The following BPTF variants were observed in gnomAD, a reference collection of about 807,000 sequenced individuals.
BPTF encodes bromodomain PHD finger transcription factor.
A neutral mutation model predicts 292.5 loss-of-function variants in BPTF; 18 were observed. The observed-to-expected ratio is 0.06, with a 90% CI of 0.04 to 0.09. The LOEUF is 0.09. BPTF is among the 10% of genes least tolerant of loss of function. The probability of loss-of-function intolerance (pLI) is 1.00; values close to 1 mark genes in which losing one functional copy is unlikely to be tolerated. For missense variants in BPTF, 2,726 were observed against 3,498.7 expected (o/e 0.78, Z 5.57); for synonymous variants, 1,225 against 1,251.9 (o/e 0.98, Z 0.45).
At chr17:67,913,889 G>C (rs79583830) in intron 11 of BPTF, among the ~76,000 whole-genome samples, 2,523 of 152,230 alleles carry the variant, frequency 0.017, 64 homozygotes, top group African/African-American at 0.053. Context: ...ATTTGCCTGT[G>C]GCTACAGAGA....
chr17:67,845,039 A>G (rs1427086412), intron 1 of BPTF, among the ~76,000 whole-genome samples: 1 of 152,130 alleles, frequency 6.6e-6, no homozygotes, highest in Non-Finnish European at 1.5e-5. Flanking sequence ...CACTGCGCCC[A>G]GCCTGATTGT....
At chr17:67,862,266 G>A (rs1396147218) in intron 2 of BPTF, among the ~76,000 whole-genome samples, 1 of 152,300 alleles carries the variant, frequency 6.6e-6, no homozygotes, top group East Asian at 1.9e-4. Context: ...GTGAGCCATC[G>A]TGCCCGGCCT....
intron 13 of BPTF, among the ~76,000 whole-genome samples, chr17:67,920,722 C>A (rs61516059): frequency 0.023 from 3,472 of 151,910 alleles, 139 homozygotes; most frequent in African/African-American, 0.08. Context: ...TTGCAGTAAG[C>A]TAAGAGAGTA....
Position 67,975,879 on chromosome 17 carries a change from A to G in BPTF, c.8647A>G (p.Ser2883Gly), listed in dbSNP as rs782663433. Residue 2883 changes from serine (S) to glycine (G), a missense_variant, in exon 27 of 28, where the codon AGT becomes GGT. Ser to Gly is a moderately conservative substitution (Grantham distance 56). Transcript: ENST00000306378. ...IFDNCRYYNP[S>G]DSPFYQCAEV... ...TGATAACTGTCGTTACTACAATCCA[A>G]GTGACTCCCCATTTTACCAGTGTGC... 9.9e-6 allele frequency: 16 copies of G among 1,614,042 alleles called. No individual in the cohort carries two copies. The highest frequency in any genetic ancestry group is 1.4e-5 in the Non-Finnish European group (16 of 1,179,980).
intron 4 of BPTF, among the ~76,000 whole-genome samples, chr17:67,888,704 A>G (rs761312605): frequency 1.5e-4 from 23 of 152,138 alleles, no homozygotes; most frequent in Non-Finnish European, 2.8e-4. Context: ...ACTCATAAAC[A>G]TAGTAGAGGG....
rs112390700 is a variant in BPTF, at chr17:67,859,606, A to G, written c.1436+4844A>G. 6.6e-3 allele frequency among the ~76,000 whole-genome samples: 1,006 copies of G among 152,310 alleles called. 12 individuals carry two copies. Among genetic ancestry groups the G allele is most frequent in the African/African-American group, 0.022 (935 of 41,564 alleles). On this transcript the variant is annotated intron_variant, in intron 2 of 27. Coordinates refer to ENST00000306378, the MANE Select transcript of BPTF (RefSeq NM_182641.4). ...TTTATAAGAATATTTTCAATACCTTATTTTATACTGTAGTCTAGTTTTCAA... is the reference window on the plus strand; with the variant it reads ...TTTATAAGAATATTTTCAATACCTTGTTTTATACTGTAGTCTAGTTTTCAA...
At chr17:67,902,857 G>C (rs1271536451) in intron 7 of BPTF, among the ~76,000 whole-genome samples, 3 of 152,200 alleles carry the variant, frequency 2.0e-5, no homozygotes, top group Non-Finnish European at 4.4e-5. Flanking sequence ...GGCTGCATCT[G>C]GTTAGGGTGT....
At chr17:67,866,816 AC>A in intron 3 of BPTF, 129 bp downstream of exon 3, 1 of 677,936 alleles carries the variant, frequency 1.5e-6, no homozygotes, top group Non-Finnish European at 2.5e-6. Context: ...TGATGGGGAT[AC>A]ATTCTGAAAA....
intron 18 of BPTF, among the ~76,000 whole-genome samples, chr17:67,938,529 A>G (rs1354526919): frequency 6.6e-6 from 1 of 152,234 alleles, no homozygotes; most frequent in Non-Finnish European, 1.5e-5. Flanking sequence ...AGCAACACAA[A>G]TAGTTACAGA....
In BPTF at chr17:67,920,065, G is replaced by A. The variant is rs890871423; in HGVS notation, c.5479G>A (p.Val1827Ile). The A allele has an allele frequency of 1.9e-6, 3 of 1,612,134 alleles. No homozygotes were observed. Among genetic ancestry groups the A allele is most frequent in the East Asian group, 2.2e-5 (1 of 44,838 alleles). ...TTTEIIKRRDVGPYGIRSEYC... is the reference protein window; with the variant it reads ...TTTEIIKRRDIGPYGIRSEYC... ...AACAGAAATAATTAAGAGGAGAGAT[G>A]TTGGTCCTTATGGCATTCGATCTGA... Residue 1827 changes from valine to isoleucine, a missense_variant, in exon 13 of 28, where the codon GTT (valine) becomes ATT (isoleucine). Transcript: ENST00000306378.
At chr17:67,913,801 T>C (rs2062809280) in intron 11 of BPTF, among the ~76,000 whole-genome samples, 1 of 152,162 alleles carries the variant, frequency 6.6e-6, no homozygotes, top group South Asian at 2.1e-4. Context: ...AAATAGATAG[T>C]GTTGGTAGTT....
intron 26 of BPTF, among the ~76,000 whole-genome samples, chr17:67,971,244 A>C (rs1275557084): frequency 6.6e-6 from 1 of 152,016 alleles, no homozygotes; most frequent in East Asian, 1.9e-4. Flanking sequence ...ACACCCAGCT[A>C]ATTTTTGTAT....
intron 2 of BPTF, among the ~76,000 whole-genome samples, chr17:67,861,079 C>T (rs2059047686): frequency 6.6e-6 from 1 of 152,204 alleles, no homozygotes; most frequent in African/African-American, 2.4e-5. Flanking sequence ...AAACCAAACT[C>T]ATCGTTTCCC....
intron 23 of BPTF, among the ~76,000 whole-genome samples, chr17:67,954,930 A>G (rs188071551): frequency 3.9e-5 from 6 of 152,360 alleles, no homozygotes; most frequent in East Asian, 1.9e-4. Flanking sequence ...CAGATAGTCT[A>G]TAGACAGAAA....
rs993829528 is a variant in BPTF at position 67,829,517 on chromosome 17, T to C, written c.613+3180T>C. Among the ~76,000 whole-genome samples the C allele has an allele frequency of 1.9e-4, 27 of 143,022 alleles. No homozygotes were observed. The Admixed American group carries it at 2.0e-3, about 11-fold the overall frequency. The allele number at this position is 143,022 out of a possible 152,430, so 93.8% of individuals were successfully genotyped here. A position where few individuals can be genotyped will look rare whatever the true frequency, so the allele number is the denominator to read the frequency against. ...TTTTGAGTTCTAAACTTTTAGAACA[T>C]GCCCACTTGCCTGGAATGAGTAACA... On this transcript the variant is annotated intron_variant, in intron 1 of 27. Coordinates refer to ENST00000306378, the MANE Select transcript of BPTF (RefSeq NM_182641.4).
rs374598293 is a variant in BPTF at position 67,921,658 on chromosome 17, GTTC to G, written c.5558-1176_5558-1174del. 4.2e-3 allele frequency among the ~76,000 whole-genome samples: 641 copies of G among 152,324 alleles called. 6 individuals carry two copies. Among genetic ancestry groups the G allele is most frequent in the African/African-American group, 0.013 (547 of 41,570 alleles). Reference sequence around the variant, plus strand: ...GAAACTTGATTAAATTAACTTGGGAGTTCTTCTTGGAGAATAACCTTTTTGAAA... The same window carrying G: ...GAAACTTGATTAAATTAACTTGGGAGTTCTTGGAGAATAACCTTTTTGAAA... On this transcript the variant is annotated intron_variant, in intron 13 of 27. Coordinates refer to ENST00000306378, the MANE Select transcript of BPTF (RefSeq NM_182641.4).
chr17:67,923,677 A>G (rs2063627745), intron 14 of BPTF, among the ~76,000 whole-genome samples: 1 of 147,720 alleles, frequency 6.8e-6, no homozygotes, highest in Non-Finnish European at 1.5e-5. Context: ...ACGGGGTTTC[A>G]CCATGTTGGC....
At position 67,908,332 on chromosome 17, in the gene BPTF, T is replaced by A. The variant is rs142167831; in HGVS notation, c.2813-1250T>A. 9.3e-4 allele frequency among the ~76,000 whole-genome samples: 141 copies of A among 152,218 alleles called. 1 individual carries two copies. Among genetic ancestry groups the A allele is most frequent in the African/African-American group, 3.1e-3 (128 of 41,540 alleles). ...TACCACCATGACTGGCTAATTTTTG[T>A]ATTTTTAGTAGAGATGGGGTTTCAC... On this transcript the variant is annotated intron_variant, in intron 9 of 27. Transcript: ENST00000306378.
Position 67,854,861 on chromosome 17 carries a change from C to G in BPTF, c.1436+99C>G. The G allele has an allele frequency of 1.3e-6, 1 of 791,224 alleles. No homozygotes were observed. 49.0% of individuals were successfully genotyped at this position (791,224 alleles called of 1,614,324 possible). A position where few individuals can be genotyped will look rare whatever the true frequency, so the allele number is the denominator to read the frequency against. ...AGCTATGCTGTTGATGTGGTATAAA[C>G]CTTTGTAACTTAATAGTTATACAGT... On this transcript the variant is annotated intron_variant, in intron 2 of 27. Transcript: ENST00000306378. This position sits in a 1 kb window ranked among gnomAD's most constrained non-coding sequence, Gnocchi z 5.6.
Sources: allele counts gnomAD v4.1 joint callset (sites outside exome capture counted in the v4.1 genomes callset), GRCh38; gene constraint gnomAD v4.1.1; non-coding constraint Gnocchi (gnomAD v3.1); transcripts MANE v1.5; gene names NCBI Gene and HGNC (gene_info 2026-07-23, HGNC 2026-07-21).